Variants in MTHFS observed in about 807,000 individuals in gnomAD.
The protein encoded by MTHFS is methenyltetrahydrofolate synthetase.
MTHFS carries 7 observed loss-of-function variants against 12.7 expected under a neutral mutation model. The observed-to-expected ratio is 0.55, with a 90% CI of 0.31 to 1.03. MTHFS has a LOEUF of 1.03. Ranked by LOEUF, MTHFS falls within the 50% of genes least tolerant of loss-of-function variation. The pLI, the probability that MTHFS is intolerant of heterozygous loss-of-function variation, is 0.05. For missense variants in MTHFS, 252 were observed against 258.1 expected, an observed-to-expected ratio of 0.98 and a Z score of 0.16; for synonymous variants, 100 against 97.1, an observed-to-expected ratio of 1.03 and a Z score of -0.18.
chr15:79,859,784 C>T (rs903231810), intron 2 of MTHFS, among the ~76,000 whole-genome samples: 1 of 142,646 alleles, frequency 7.0e-6, no homozygotes, highest in Non-Finnish European at 1.5e-5. Context: ...TGCCACTGCA[C>T]TCCAGGCTGG....
At chr15:79,893,377 G>C (rs183650333) in intron 1 of MTHFS, among the ~76,000 whole-genome samples, 29 of 151,282 alleles carry the variant, frequency 1.9e-4, no homozygotes, top group African/African-American at 6.8e-4. Context: ...ACTCCAGCCT[G>C]GGCAACAAAG....
intron 2 of MTHFS, 35 bp downstream of exon 2, chr15:79,889,058 A>G (rs1240886353): frequency 1.1e-5 from 18 of 1,607,858 alleles, no homozygotes; most frequent in Non-Finnish European, 1.5e-5. Flanking sequence ...ACAACTGGTC[A>G]TAATCTAACA....
At chr15:79,874,430 T>G (rs1308990664) in intron 2 of MTHFS, among the ~76,000 whole-genome samples, 2 of 152,074 alleles carry the variant, frequency 1.3e-5, no homozygotes, top group African/African-American at 4.8e-5. Context: ...CAGAACAGGT[T>G]TGGAGCTCAA....
intron 2 of MTHFS, among the ~76,000 whole-genome samples, 183 bp downstream of exon 2, chr15:79,888,910 A>G (rs2034425947): frequency 6.6e-6 from 1 of 152,236 alleles, no homozygotes; most frequent in African/African-American, 2.4e-5. Flanking sequence ...ATTCATTTAC[A>G]CTTTACAGTT....
chr15:79,897,110 C>CA, upstream of MTHFS: 1 of 907,078 alleles, frequency 1.1e-6, no homozygotes, highest in Non-Finnish European at 1.5e-6. Flanking sequence ...CTCGGGGAAG[C>CA]GCCCCCACCC....
chr15:79,856,149 TC>T (rs1030429032), intron 2 of MTHFS, among the ~76,000 whole-genome samples: 1 of 152,222 alleles, frequency 6.6e-6, no homozygotes, highest in African/African-American at 2.4e-5. Context: ...GCATAAGCGT[TC>T]CCTTTTCTCC....
intron 2 of MTHFS, 29 bp from the exon 3 acceptor site, chr15:79,845,471 G>A: frequency 6.3e-7 from 1 of 1,597,620 alleles, no homozygotes; most frequent in Non-Finnish European, 8.6e-7. Context: ...AATTTAAGAG[G>A]ATTAATTGTT....
chr15:79,879,951 T>C (rs2141368525), intron 2 of MTHFS, among the ~76,000 whole-genome samples: 1 of 152,376 alleles, frequency 6.6e-6, no homozygotes, highest in Admixed American at 6.5e-5. Context: ...TGGATTTGAC[T>C]GCTTTAACCC....
Position 79,845,207 on chromosome 15 carries a change from G to C in MTHFS, c.*3C>G. ...CTGATTATTTGGCTGTAGTAATCCA[G>C]ATTTAAGCTGTTGACGAGTCTTCGT... On this transcript the variant is annotated 3_prime_UTR_variant, in exon 3 of 3. Coordinates refer to ENST00000258874, the MANE Select transcript of MTHFS (RefSeq NM_006441.4). 1 of 1,614,114 alleles carries C rather than the reference G, an allele frequency of 6.2e-7. No individual in the cohort carries two copies. Among genetic ancestry groups the C allele is most frequent in the Non-Finnish European group, 8.5e-7 (1 of 1,179,982 alleles).
intron 2 of MTHFS, among the ~76,000 whole-genome samples, chr15:79,854,244 G>C (rs2033762288): frequency 6.6e-6 from 1 of 152,224 alleles, no homozygotes; most frequent in Non-Finnish European, 1.5e-5. Flanking sequence ...TAAAGAGATG[G>C]AGATGCTTAG....
rs2033575763 is a variant in MTHFS at position 79,844,570 on chromosome 15, A to G, written c.*640T>C. 6.6e-6 allele frequency among the ~76,000 whole-genome samples: 1 copy of G among 152,174 alleles called. No homozygotes were observed. Among genetic ancestry groups the G allele is most frequent in the African/African-American group, 2.4e-5 (1 of 41,422 alleles). On this transcript the variant is annotated 3_prime_UTR_variant, in exon 3 of 3. Coordinates refer to ENST00000258874, the MANE Select transcript of MTHFS (RefSeq NM_006441.4). The stretch of plus-strand genomic sequence containing the variant: ...AGTAAACAGAAATAATTTCTAACTT[A>G]TAAGATACTAGATCTTAAACTCATC...
chr15:79,850,924 G>A (rs539694169), intron 2 of MTHFS, among the ~76,000 whole-genome samples: 1 of 152,256 alleles, frequency 6.6e-6, no homozygotes, highest in East Asian at 1.9e-4. Flanking sequence ...CTGGCAGCGA[G>A]GTAGCCTGGG....
At chr15:79,880,409 A>G (rs900788003) in intron 2 of MTHFS, among the ~76,000 whole-genome samples, 12 of 152,010 alleles carry the variant, frequency 7.9e-5, no homozygotes, top group African/African-American at 2.2e-4. Context: ...ATAATAATCA[A>G]TACAATCTGG....
At chr15:79,895,051 C>T (rs2034543825) in intron 1 of MTHFS, among the ~76,000 whole-genome samples, 2 of 152,304 alleles carry the variant, frequency 1.3e-5, no homozygotes, top group South Asian at 4.1e-4. Flanking sequence ...TCCCTTTACA[C>T]ACTTCTTTAA....
chr15:79,863,479 C>T (rs1431667676), intron 2 of MTHFS, among the ~76,000 whole-genome samples: 1 of 152,222 alleles, frequency 6.6e-6, no homozygotes, highest in Non-Finnish European at 1.5e-5. Flanking sequence ...CAACTGAAAT[C>T]ACAACCTGCC....
At chr15:79,854,775 T>C (rs2033772004) in intron 2 of MTHFS, among the ~76,000 whole-genome samples, 1 of 152,204 alleles carries the variant, frequency 6.6e-6, no homozygotes, top group African/African-American at 2.4e-5. Flanking sequence ...CCTACTACGT[T>C]GTCTAGAAAA....
intron 1 of MTHFS, among the ~76,000 whole-genome samples, 160 bp from the exon 2 acceptor site, chr15:79,889,514 T>A (rs768592773): frequency 6.6e-6 from 1 of 152,102 alleles, no homozygotes; most frequent in Non-Finnish European, 1.5e-5. Flanking sequence ...CAGACAGTGT[T>A]GCATCATGAA....
rs374256369 is a variant in MTHFS, at chr15:79,866,114, G to A, written c.380-20672C>T. On this transcript the variant is annotated intron_variant, in intron 2 of 2. Transcript: ENST00000258874. ...GTTTTTTTTTGGTCTCTGTGACAGC[G>A]ATGGTGGCATTCGAGAGGCTAATGG... Among the ~76,000 whole-genome samples the A allele has an allele frequency of 3.3e-5, 5 of 151,660 alleles. No individual in the cohort carries two copies. The East Asian group carries it at 5.8e-4, about 18-fold the overall frequency.
At chr15:79,849,557 C>T (rs2033675524) in intron 2 of MTHFS, among the ~76,000 whole-genome samples, 1 of 152,234 alleles carries the variant, frequency 6.6e-6, no homozygotes, top group Admixed American at 6.5e-5. Flanking sequence ...GACACCTTCA[C>T]ACACCACAAG....
Sources: gnomAD v4.1 joint callset for allele counts (sites outside exome capture counted in the v4.1 genomes callset) on GRCh38, gnomAD v4.1.1 for gene constraint, MANE v1.5 for transcripts, NCBI Gene and HGNC (gene_info 2026-07-23, HGNC 2026-07-21) for gene names.